Variants in KDM4B observed in about 807,000 individuals in gnomAD.
The protein encoded by KDM4B is lysine-specific demethylase 4B.
KDM4B carries 32 observed loss-of-function variants against 125.2 expected under a neutral mutation model. The ratio of observed to expected loss-of-function variants is 0.26; its 90% confidence interval spans 0.19 to 0.34. The LOEUF is 0.34. KDM4B is among the 10% of genes least tolerant of loss of function. KDM4B has a pLI of 1.00. For synonymous variants in KDM4B, 721 were observed against 677.9 expected (o/e 1.06, Z -0.99); for missense variants, 1,190 against 1,577.7 (o/e 0.75, Z 4.16).
intron 1 of KDM4B, among the ~76,000 whole-genome samples, chr19:4,979,235 A>AT (rs1410853159): frequency 6.6e-6 from 1 of 152,128 alleles, no homozygotes; most frequent in Admixed American, 6.5e-5. Flanking sequence ...GTGAGCCATG[A>AT]TTACACCACT....
In KDM4B at chr19:5,131,975, C is replaced by T. The variant is rs745361851; in HGVS notation, c.1874C>T (p.Ser625Leu). 16 of 1,610,948 alleles carry T rather than the reference C, an allele frequency of 9.9e-6. No individual in the cohort carries two copies. The highest frequency in any genetic ancestry group is 1.3e-5 in the African/African-American group (1 of 74,898). ...CGGCCGCCCACCCGGTCCCCACTGT[C>T]GGTGGTGAAGCAGGAGGCCTCAAGT... ...LGRPPTRSPLSVVKQEASSDE... is the reference protein window; with the variant it reads ...LGRPPTRSPLLVVKQEASSDE... Residue 625 changes from serine to leucine, a missense_variant, in exon 13 of 23, where the codon TCG becomes TTG. Around this residue, in one of 7 missense-constraint regions of KDM4B, gnomAD observed 13 missense variants for 34.8 expected, o/e 0.37. Coordinates refer to ENST00000159111, the MANE Select transcript of KDM4B (RefSeq NM_015015.3).
chr19:5,060,466 G>GAAAAAAAAAAAAAAAAAA (rs2037558120), intron 6 of KDM4B, among the ~76,000 whole-genome samples: 1 of 93,506 alleles, frequency 1.1e-5, no homozygotes, highest in South Asian at 4.4e-4. Flanking sequence ...AAAAAAAAGG[G>GAAAAAAAAAAAAAAAAAA]AGCCATGATT....
intron 9 of KDM4B, among the ~76,000 whole-genome samples, chr19:5,104,985 C>T (rs1294482395): frequency 6.6e-6 from 1 of 152,208 alleles, no homozygotes; most frequent in Non-Finnish European, 1.5e-5. Flanking sequence ...GGAGCTGGGT[C>T]AGGTGGTGAG....
intron 9 of KDM4B, among the ~76,000 whole-genome samples, chr19:5,090,364 T>G (rs6510838): frequency 1.6e-5 from 2 of 123,616 alleles, no homozygotes; most frequent in Non-Finnish European, 3.2e-5. Flanking sequence ...CTCTCTCTCC[T>G]CATCTCTCTC....
chr19:5,017,240 C>A (rs1002755256), intron 2 of KDM4B, among the ~76,000 whole-genome samples: 1 of 152,148 alleles, frequency 6.6e-6, no homozygotes, highest in Non-Finnish European at 1.5e-5. Flanking sequence ...GGTGGTGGAG[C>A]CCAGCCTCTT....
At position 5,141,844 on chromosome 19, in the gene KDM4B, C is replaced by G. The variant is rs888762583; in HGVS notation, c.2551-2123C>G. Among the ~76,000 whole-genome samples, 14 of 152,036 alleles carry G rather than the reference C, an allele frequency of 9.2e-5. No homozygotes were observed. Among genetic ancestry groups the G allele is most frequent in the African/African-American group, 3.1e-4 (13 of 41,480 alleles). ...GAGCTCCCTGGAGGATCTGGGAGGTCTGGGAGGGGCTTGGGATGGGGGGAG... is the reference window on the plus strand; with the variant it reads ...GAGCTCCCTGGAGGATCTGGGAGGTGTGGGAGGGGCTTGGGATGGGGGGAG... On this transcript the variant is annotated intron_variant, in intron 18 of 22. Coordinates refer to ENST00000159111, the MANE Select transcript of KDM4B (RefSeq NM_015015.3). The surrounding 1 kb of genome is among the most constrained non-coding windows in gnomAD (Gnocchi z 6.4).
chr19:5,022,124 C>G (rs998996367), intron 2 of KDM4B, among the ~76,000 whole-genome samples: 1 of 152,174 alleles, frequency 6.6e-6, no homozygotes. Flanking sequence ...TCAAGTGGCC[C>G]GGAGGTGGTG....
At chr19:5,121,416 T>C (rs1196424497) in intron 11 of KDM4B, among the ~76,000 whole-genome samples, 1 of 152,156 alleles carries the variant, frequency 6.6e-6, no homozygotes, top group African/African-American at 2.4e-5. Flanking sequence ...GGCACTGTTA[T>C]TATGTAGCGA....
chr19:4,981,388 C>T (rs1346018708), intron 1 of KDM4B, among the ~76,000 whole-genome samples: 1 of 152,158 alleles, frequency 6.6e-6, no homozygotes, highest in East Asian at 1.9e-4. Context: ...GAGAAGATGC[C>T]AGGGCCTTTC....
intron 10 of KDM4B, chr19:5,111,320 G>A: frequency 1.4e-6 from 1 of 736,230 alleles, no homozygotes; most frequent in South Asian, 1.4e-5. Flanking sequence ...ATCGTGGAGA[G>A]GATTTCAGAA....
At position 5,135,955 on chromosome 19, in the gene KDM4B, C is replaced by G. The variant is rs550527647; in HGVS notation, c.2308+394C>G. ...GCACTGGGCTCATCCCACCCTGTCC[C>G]TGACACCCAGAAGCTCACCCTAGGG... is the stretch of plus-strand genomic sequence containing the variant. On this transcript the variant is annotated intron_variant, in intron 15 of 22. Coordinates refer to ENST00000159111, the MANE Select transcript of KDM4B (RefSeq NM_015015.3). 3.9e-5 allele frequency among the ~76,000 whole-genome samples: 6 copies of G among 152,364 alleles called. No homozygotes were observed. The East Asian group carries it at 1.2e-3, about 29-fold the overall frequency.
At chr19:5,030,474 G>C (rs1344440815) in intron 2 of KDM4B, among the ~76,000 whole-genome samples, 1 of 152,204 alleles carries the variant, frequency 6.6e-6, no homozygotes, top group African/African-American at 2.4e-5. Context: ...AGGGGGGTGG[G>C]CCAGCCCCTC....
chr19:4,987,206 T>A (rs1371306869), intron 1 of KDM4B, among the ~76,000 whole-genome samples: 2 of 152,152 alleles, frequency 1.3e-5, no homozygotes, highest in East Asian at 3.9e-4. Context: ...TGATCTGCTC[T>A]CCTCGGCCTT....
chr19:5,082,315 C>G lies in KDM4B; in HGVS notation c.781-52C>G. On this transcript the variant is annotated intron_variant, in intron 8 of 22. Transcript: ENST00000159111. This position sits in a 1 kb window ranked among gnomAD's most constrained non-coding sequence, Gnocchi z 5.4. The stretch of plus-strand genomic sequence containing the variant: ...GCTGGGAAGTGCCCACGTCCCATCC[C>G]CTGGTGCGCCTCTGGTGGCCCTGCC... 2 of 1,609,898 alleles carry G rather than the reference C, an allele frequency of 1.2e-6. No homozygotes were observed. Among genetic ancestry groups the G allele is most frequent in the Non-Finnish European group, 1.7e-6 (2 of 1,178,336 alleles).
intron 18 of KDM4B, among the ~76,000 whole-genome samples, chr19:5,143,187 G>T (rs937554742): frequency 7.9e-5 from 12 of 152,060 alleles, no homozygotes; most frequent in Non-Finnish European, 1.5e-5. Flanking sequence ...AGCCAGGCAT[G>T]ATGGTTGCAC....
intron 3 of KDM4B, among the ~76,000 whole-genome samples, chr19:5,036,189 C>T (rs2036620401): frequency 6.6e-6 from 1 of 151,854 alleles, no homozygotes; most frequent in Non-Finnish European, 1.5e-5. Flanking sequence ...CCTGGTCTGC[C>T]TGCCTTGACC....
intron 1 of KDM4B, among the ~76,000 whole-genome samples, chr19:4,969,658 GA>G (rs1174723324): frequency 6.6e-6 from 1 of 151,996 alleles, no homozygotes; most frequent in African/African-American, 2.4e-5. Flanking sequence ...CAAGAAAAAG[GA>G]AAAAGACCCC....
intron 6 of KDM4B, among the ~76,000 whole-genome samples, chr19:5,064,160 G>A (rs769198369): frequency 6.6e-6 from 1 of 152,204 alleles, no homozygotes; most frequent in Non-Finnish European, 1.5e-5. Flanking sequence ...GGTCCCGGGG[G>A]CGCCACTGGC....
At position 5,103,303 on chromosome 19, in the gene KDM4B, C is replaced by T. The variant is rs1175203838; in HGVS notation, c.919-7319C>T. On this transcript the variant is annotated intron_variant, in intron 9 of 22. Coordinates refer to ENST00000159111, the MANE Select transcript of KDM4B (RefSeq NM_015015.3). The stretch of plus-strand genomic sequence containing the variant: ...GCTCTGCGGCTGCTGGCTCTGAGCC[C>T]ATCGACATTCTGATTTGTATTTTTT... Among the ~76,000 whole-genome samples, 3 of 152,368 alleles carry T rather than the reference C, an allele frequency of 2.0e-5. No homozygotes were observed. The East Asian group carries it at 5.8e-4, about 29-fold the overall frequency.
Sources: gnomAD v4.1 joint callset for allele counts (sites outside exome capture counted in the v4.1 genomes callset) on GRCh38, gnomAD v4.1.1 for gene constraint, gnomAD v4.1.1 regional missense constraint, Gnocchi (gnomAD v3.1) non-coding constraint, MANE v1.5 for transcripts, NCBI Gene and HGNC (gene_info 2026-07-23, HGNC 2026-07-21) for gene names.